SLC39A9: variants seen among roughly 807,000 people sequenced by gnomAD.
SLC39A9 encodes zinc transporter ZIP9.
A neutral mutation model predicts 28.4 loss-of-function variants in SLC39A9; 14 were observed. The ratio of observed to expected loss-of-function variants is 0.49; its 90% CI spans 0.33 to 0.77. The LOEUF is 0.77. SLC39A9 is among the 30% of genes least tolerant of loss of function. SLC39A9 has a pLI of 0.02. For synonymous variants in SLC39A9, 119 were observed against 149.6 expected, an observed-to-expected ratio of 0.80 and a Z score of 1.49; for missense variants, 283 against 381.1, an observed-to-expected ratio of 0.74 and a Z score of 2.14.
chr14:69,434,926 GTTTAAC>G (rs1274934487), intron 2 of SLC39A9, among the ~76,000 whole-genome samples: 2 of 152,062 alleles, frequency 1.3e-5, no homozygotes, highest in African/African-American at 4.8e-5. Flanking sequence ...CTGATTTCTA[GTTTAAC>G]TTTATTATGG....
chr14:69,432,168 A>C lies in SLC39A9; in HGVS notation c.205+7966A>C, dbSNP rs564732769. 5.4e-4 allele frequency among the ~76,000 whole-genome samples: 83 copies of C among 152,322 alleles called. 1 individual carries two copies. Among genetic ancestry groups the C allele is most frequent in the Admixed American group, 5.4e-3 (83 of 15,296 alleles). On this transcript the variant is annotated intron_variant, in intron 2 of 6. Transcript: ENST00000336643. ...CTTTCCACAGTGACTGAACTAATTT[A>C]CATTCCCATCAACAGTGTATAAGTG...
intron 1 of SLC39A9, among the ~76,000 whole-genome samples, chr14:69,419,862 C>G (rs1189737374): frequency 1.3e-5 from 2 of 152,148 alleles, no homozygotes; most frequent in Non-Finnish European, 2.9e-5. Flanking sequence ...AGATCTTCCT[C>G]CATCCCTTTA....
intron 1 of SLC39A9, 85 bp from the exon 2 acceptor site, chr14:69,424,009 T>C (rs1180071841): frequency 4.4e-6 from 4 of 905,368 alleles, no homozygotes; most frequent in East Asian, 2.6e-5. Context: ...AATGAGCAGC[T>C]CACAGTCTTG....
chr14:69,432,023 A>C (rs1884524841), intron 2 of SLC39A9, among the ~76,000 whole-genome samples: 1 of 152,162 alleles, frequency 6.6e-6, no homozygotes, highest in South Asian at 2.1e-4. Flanking sequence ...GATGAACATA[A>C]GAGTGCATGG....
chr14:69,453,394 T>G (rs1435564484), intron 4 of SLC39A9, 85 bp downstream of exon 4: 3 of 1,285,414 alleles, frequency 2.3e-6, no homozygotes, highest in African/African-American at 2.9e-5. Flanking sequence ...CCGTCCTCAT[T>G]GAATGCTCTT....
rs1028108109 is a variant in SLC39A9, at chr14:69,461,160, G to A, written c.*2567G>A. The stretch of plus-strand genomic sequence containing the variant: ...TGGAATTATTGGCTACCAAAGAGAC[G>A]CAATTGATGATGAGAAGCATGATTC... On this transcript the variant is annotated 3_prime_UTR_variant, in exon 7 of 7. Transcript: ENST00000336643. The A allele has an allele frequency of 2.3e-5, 23 of 986,894 alleles. No homozygotes were observed. The South Asian group carries it at 3.3e-4, about 14-fold the overall frequency. 61.1% of individuals were successfully genotyped at this position (986,894 alleles called of 1,614,324 possible). A position where few individuals can be genotyped will look rare whatever the true frequency, so the allele number is the denominator to read the frequency against.
In SLC39A9 at chr14:69,432,940, A is replaced by G. The variant is rs190350753; in HGVS notation, c.205+8738A>G. 2.9e-3 allele frequency among the ~76,000 whole-genome samples: 446 copies of G among 152,246 alleles called. 12 individuals carry two copies. Among genetic ancestry groups the G allele is most frequent in the Admixed American group, 0.025 (386 of 15,272 alleles). On this transcript the variant is annotated intron_variant, in intron 2 of 6. Transcript: ENST00000336643. ...ACACTGTTTTGGTTACTATAGTCTT[A>G]TAGTGTAGTTTGAAATCAGGTAATG...
intron 2 of SLC39A9, among the ~76,000 whole-genome samples, chr14:69,436,584 C>A (rs1884770424): frequency 6.6e-6 from 1 of 152,074 alleles, no homozygotes; most frequent in Non-Finnish European, 1.5e-5. Flanking sequence ...GATGATGGTT[C>A]TCATTTTAGC....
intron 2 of SLC39A9, among the ~76,000 whole-genome samples, chr14:69,438,091 G>A (rs564956411): frequency 9.4e-5 from 14 of 148,428 alleles, no homozygotes; most frequent in East Asian, 4.0e-4. Flanking sequence ...ACACCATCTC[G>A]GCTCACTGCA....
At chr14:69,423,213 T>G (rs972144831) in intron 1 of SLC39A9, among the ~76,000 whole-genome samples, 2 of 152,220 alleles carry the variant, frequency 1.3e-5, no homozygotes, top group Non-Finnish European at 2.9e-5. Flanking sequence ...ACATATTGAT[T>G]GCCATCAGCT....
chr14:69,446,821 C>A (rs1594943494), intron 3 of SLC39A9, among the ~76,000 whole-genome samples: 1 of 138,134 alleles, frequency 7.2e-6, no homozygotes, highest in African/African-American at 2.8e-5. Flanking sequence ...TGCAGTGAGC[C>A]AAGATTGTGC....
chr14:69,444,907 G>T (rs1418333602), intron 3 of SLC39A9, among the ~76,000 whole-genome samples: 1 of 152,090 alleles, frequency 6.6e-6, no homozygotes, highest in Admixed American at 6.6e-5. Flanking sequence ...GTTCAAGGCT[G>T]CAGTGAGCTA....
intron 1 of SLC39A9, among the ~76,000 whole-genome samples, chr14:69,414,923 T>G (rs35515794): frequency 0.13 from 19,756 of 152,248 alleles, 1,388 homozygotes; most frequent in East Asian, 0.18. Flanking sequence ...GTGTAAAGCT[T>G]CTTTCACTCA....
chr14:69,439,116 T>C (rs1884920490), intron 2 of SLC39A9, among the ~76,000 whole-genome samples: 1 of 152,186 alleles, frequency 6.6e-6, no homozygotes, highest in African/African-American at 2.4e-5. Flanking sequence ...CATACAAATA[T>C]CAGTTGCATT....
At chr14:69,445,201 T>A (rs2139432730) in intron 3 of SLC39A9, among the ~76,000 whole-genome samples, 1 of 152,242 alleles carries the variant, frequency 6.6e-6, no homozygotes, top group East Asian at 1.9e-4. Context: ...TTTCTTTCAA[T>A]AAAAGTTACA....
At chr14:69,399,887 G>T (rs1882528197) in intron 1 of SLC39A9, among the ~76,000 whole-genome samples, 1 of 152,168 alleles carries the variant, frequency 6.6e-6, no homozygotes, top group Admixed American at 6.5e-5. Context: ...GGCTGAGGTG[G>T]AAGGATCGCT....
intron 1 of SLC39A9, among the ~76,000 whole-genome samples, chr14:69,418,632 G>T (rs1401642439): frequency 1.3e-5 from 2 of 152,092 alleles, no homozygotes; most frequent in South Asian, 4.1e-4. Context: ...GAATCTGTCT[G>T]GTCCTGGACG....
intron 1 of SLC39A9, among the ~76,000 whole-genome samples, chr14:69,423,812 C>G (rs560884145): frequency 1.3e-5 from 2 of 151,260 alleles, no homozygotes; most frequent in African/African-American, 4.9e-5. Flanking sequence ...GCAGGATAAT[C>G]GCTGGAACTT....
In SLC39A9 at chr14:69,458,688, C is replaced by T. The variant is rs1885982735; in HGVS notation, c.*95C>T. The stretch of plus-strand genomic sequence containing the variant: ...CTCACTTCCTCAGTCTCTTGTCTCA[C>T]CTTGCGCATCTCTACATGTATTCCT... On this transcript the variant is annotated 3_prime_UTR_variant, in exon 7 of 7. Transcript: ENST00000336643. 6.9e-7 allele frequency: 1 copy of T among 1,453,798 alleles called. No individual in the cohort carries two copies. The highest frequency in any genetic ancestry group is 1.4e-5 in the African/African-American group (1 of 70,506). The allele number at this position is 1,453,798 out of a possible 1,614,324, so 90.1% of individuals were successfully genotyped here. A position where few individuals can be genotyped will look rare whatever the true frequency, so the allele number is the denominator to read the frequency against.
Sources: allele counts gnomAD v4.1 joint callset (sites outside exome capture counted in the v4.1 genomes callset), GRCh38; gene constraint gnomAD v4.1.1; transcripts MANE v1.5; gene names NCBI Gene and HGNC (gene_info 2026-07-23, HGNC 2026-07-21).